The following ADSS1 variants were observed in gnomAD, a reference collection of about 807,000 sequenced individuals.
ADSS1 encodes adenylosuccinate synthetase isozyme 1.
Under a neutral mutation model 59.1 loss-of-function variants are expected in ADSS1, and 57 were observed. The observed-to-expected ratio is 0.97, with a 90% CI of 0.78 to 1.20. ADSS1 has a LOEUF of 1.20. Among genes scored for constraint, ADSS1 ranks in the 50% most tolerant of loss-of-function variants. The pLI is 0.00. For synonymous variants in ADSS1, 247 were observed against 249.4 expected (o/e 0.99, Z 0.09); for missense variants, 603 against 610.3 (o/e 0.99, Z 0.13).
At position 104,739,904 on chromosome 14, in the gene ADSS1, A is replaced by G. The variant is rs56932269; in HGVS notation, c.476+88A>G. 19,860 of 1,422,256 alleles carry G rather than the reference A, an allele frequency of 0.014. 1,908 individuals carry two copies. The African/African-American group carries it at 0.23, about 16-fold the overall frequency. The allele number at this position is 1,422,256 out of a possible 1,614,324, so 88.1% of individuals were successfully genotyped here. On this transcript the variant is annotated intron_variant, in intron 5 of 12. Transcript: ENST00000330877. Reference sequence around the variant, plus strand: ...TGGGGCGTGTCTGGTCCTGGGCACAACGAGGAGGGTACCTCAACCCACTCA... The same window carrying G: ...TGGGGCGTGTCTGGTCCTGGGCACAGCGAGGAGGGTACCTCAACCCACTCA...
rs903888647 is a variant in ADSS1 at position 104,730,966 on chromosome 14, G to GT, written c.193-4054_193-4053insT. ...CCAGACTAGGCAGAGAGTGGGGGGG[G>GT]GGGGGGGGCTCAGTGTCCGTGGGGG... On this transcript the variant is annotated intron_variant, in intron 1 of 12. Transcript: ENST00000330877. Among the ~76,000 whole-genome samples the GT allele has an allele frequency of 7.8e-5, 9 of 115,030 alleles. 1 individual carries two copies. The highest frequency in any genetic ancestry group is 5.9e-5 in the Non-Finnish European group (3 of 50,576). 75.5% of individuals were successfully genotyped at this position (115,030 alleles called of 152,430 possible). A position where few individuals can be genotyped will look rare whatever the true frequency, so the allele number is the denominator to read the frequency against.
intron 9 of ADSS1, among the ~76,000 whole-genome samples, 171 bp from the exon 10 acceptor site, chr14:104,742,896 G>C (rs1891420073): frequency 6.6e-6 from 1 of 152,246 alleles, no homozygotes; most frequent in Non-Finnish European, 1.5e-5. Context: ...TGCTGGACAG[G>C]CTTACCAGGG....
chr14:104,725,235 A>G (rs1890685517), intron 1 of ADSS1, among the ~76,000 whole-genome samples: 1 of 152,050 alleles, frequency 6.6e-6, no homozygotes, highest in Admixed American at 6.5e-5. Context: ...ACTGAGCTGC[A>G]CACTGGGCAC....
At chr14:104,734,171 C>G (rs1049397680) in intron 1 of ADSS1, among the ~76,000 whole-genome samples, 1 of 152,232 alleles carries the variant, frequency 6.6e-6, no homozygotes, top group Non-Finnish European at 1.5e-5. Flanking sequence ...GCCCTATCAG[C>G]CGTGCCTTGG....
In ADSS1 at chr14:104,742,816, G is replaced by A. The variant is rs530410592; in HGVS notation, c.949-251G>A. 3.5e-3 allele frequency among the ~76,000 whole-genome samples: 537 copies of A among 152,384 alleles called. 3 individuals are homozygous for A. The highest frequency in any genetic ancestry group is 6.2e-3 in the Non-Finnish European group (420 of 68,038). On this transcript the variant is annotated intron_variant, in intron 9 of 12. Transcript: ENST00000330877. Reference sequence around the variant, plus strand: ...AGCTCACAAAGCCTAGTGGTCTGGTGTGTTCAGGAAGAGCGCTCGCCGGCT... The same window carrying A: ...AGCTCACAAAGCCTAGTGGTCTGGTATGTTCAGGAAGAGCGCTCGCCGGCT...
rs1038197376 is a variant in ADSS1 at position 104,747,094 on chromosome 14, C to T, written c.*91C>T. ...CGTTCCTCGGCCGCCACAACCAACA[C>T]CAAAGCAGGAAAACCATTTTCTGTA... On this transcript the variant is annotated 3_prime_UTR_variant, in exon 13 of 13. Coordinates refer to ENST00000330877, the MANE Select transcript of ADSS1 (RefSeq NM_152328.5). The T allele has an allele frequency of 1.7e-6, 2 of 1,194,014 alleles. No homozygotes were observed. The highest frequency in any genetic ancestry group is 2.4e-6 in the Non-Finnish European group (2 of 848,486). The allele number at this position is 1,194,014 out of a possible 1,614,324, so 74.0% of individuals were successfully genotyped here.
chr14:104,742,740 C>T (rs977877903), intron 9 of ADSS1, among the ~76,000 whole-genome samples: 1 of 152,166 alleles, frequency 6.6e-6, no homozygotes, highest in Non-Finnish European at 1.5e-5. Context: ...CCGCCTCCCC[C>T]AGCTGCCCAT....
chr14:104,738,459 A>G (rs749908378), intron 3 of ADSS1, 21 bp downstream of exon 3: 8 of 1,612,720 alleles, frequency 5.0e-6, no homozygotes, highest in Non-Finnish European at 6.8e-6. Flanking sequence ...GCTCCTGCAG[A>G]CTTGCCCTGT....
chr14:104,736,534 C>T (rs1402460193), intron 2 of ADSS1, among the ~76,000 whole-genome samples: 1 of 152,130 alleles, frequency 6.6e-6, no homozygotes, highest in East Asian at 1.9e-4. Flanking sequence ...CCATGGCTTG[C>T]GTCGTCTCCG....
chr14:104,739,746 A>G lies in ADSS1; in HGVS notation c.410-4A>G. ...CTGCTGCCCTCACCTGGCCCGCCCGACAGTGTTTGATTTTCACCAGGCTGT... is the reference window on the plus strand; with the variant it reads ...CTGCTGCCCTCACCTGGCCCGCCCGGCAGTGTTTGATTTTCACCAGGCTGT... On this transcript the variant is annotated splice_polypyrimidine_tract_variant and splice_region_variant and intron_variant, in intron 4 of 12. Coordinates refer to ENST00000330877, the MANE Select transcript of ADSS1 (RefSeq NM_152328.5). 1 of 1,613,724 alleles carries G rather than the reference A, an allele frequency of 6.2e-7. No individual in the cohort carries two copies. The highest frequency in any genetic ancestry group is 1.1e-5 in the South Asian group (1 of 91,052).
chr14:104,732,060 C>G (rs545278329), intron 1 of ADSS1, among the ~76,000 whole-genome samples: 6 of 152,304 alleles, frequency 3.9e-5, no homozygotes, highest in African/African-American at 7.2e-5. Context: ...CACCTGCAGC[C>G]CAAGGCAGCT....
intron 3 of ADSS1, 71 bp from the exon 4 acceptor site, chr14:104,739,257 C>T: frequency 6.6e-7 from 1 of 1,525,100 alleles, no homozygotes; most frequent in Non-Finnish European, 8.9e-7. Context: ...GCTAGCCCAG[C>T]TCTGGCCCCT....
chr14:104,727,341 T>C (rs1890743461), intron 1 of ADSS1, among the ~76,000 whole-genome samples: 1 of 151,246 alleles, frequency 6.6e-6, no homozygotes, highest in Admixed American at 6.6e-5. Flanking sequence ...ACCTCACACC[T>C]CGGCTGTCTT....
At chr14:104,744,059 G>A (rs1329138329) in intron 10 of ADSS1, among the ~76,000 whole-genome samples, 3 of 150,784 alleles carry the variant, frequency 2.0e-5, no homozygotes, top group African/African-American at 7.3e-5. Context: ...AGGAAGGGAG[G>A]CTGCCATCAT....
In ADSS1 at chr14:104,747,030, C is replaced by A; in HGVS notation, c.*27C>A. 6.2e-7 allele frequency: 1 copy of A among 1,603,196 alleles called. No homozygotes were observed. The highest frequency in any genetic ancestry group is 1.1e-5 in the South Asian group (1 of 90,466). ...CACAGACTGAGCTGATCCCAACAGGCCCTGGCAGCGTCTGGACTTGTGTAA... is the reference window on the plus strand; with the variant it reads ...CACAGACTGAGCTGATCCCAACAGGACCTGGCAGCGTCTGGACTTGTGTAA... On this transcript the variant is annotated 3_prime_UTR_variant, in exon 13 of 13. Transcript: ENST00000330877.
intron 1 of ADSS1, among the ~76,000 whole-genome samples, chr14:104,729,558 G>A (rs1174150101): frequency 2.5e-5 from 3 of 119,174 alleles, no homozygotes; most frequent in South Asian, 3.1e-4. Flanking sequence ...TGGCGTCGGC[G>A]TGGTGGGGAG....
chr14:104,730,189 AT>A, intron 1 of ADSS1: 1 of 1,526,312 alleles, frequency 6.6e-7, no homozygotes, highest in South Asian at 1.2e-5. Context: ...CAGGAGCCGG[AT>A]CCTTAACACC....
intron 2 of ADSS1, among the ~76,000 whole-genome samples, chr14:104,735,893 G>C (rs543616227): frequency 2.0e-5 from 3 of 152,328 alleles, no homozygotes; most frequent in East Asian, 3.9e-4. Context: ...GGCCAAGCCA[G>C]CCAGGCCCCT....
rs1230215312 is a variant in ADSS1 at position 104,746,978 on chromosome 14, G to A, written c.1349G>A (p.Arg450Lys). ...AAATGGGTTGGTGTTGGCAAGTCAAGAGAGTCGATGATCCAGCTGTTTTAG... is the reference window on the plus strand; with the variant it reads ...AAATGGGTTGGTGTTGGCAAGTCAAAAGAGTCGATGATCCAGCTGTTTTAG... The part of the protein sequence containing the change: ...AVKWVGVGKS[R>K]ESMIQLF The change falls in exon 13 of 13, where the codon AGA (arginine) becomes AAA (lysine). Residue 450 changes from arginine to lysine, a missense_variant. By Grantham distance (26) the Arg-to-Lys change is conservative. Transcript: ENST00000330877. 1 of 1,614,016 alleles carries A rather than the reference G, an allele frequency of 6.2e-7. No homozygotes were observed. Among genetic ancestry groups the A allele is most frequent in the African/African-American group, 1.3e-5 (1 of 74,932 alleles).
Sources: allele counts gnomAD v4.1 joint callset (sites outside exome capture counted in the v4.1 genomes callset), GRCh38; gene constraint gnomAD v4.1.1; transcripts MANE v1.5; gene names NCBI Gene and HGNC (gene_info 2026-07-23, HGNC 2026-07-21).